Variants in BMP5 observed in about 807,000 individuals in gnomAD.
The protein encoded by BMP5 is bone morphogenetic protein 5.
BMP5 carries 23 observed loss-of-function variants against 46.6 expected under a neutral mutation model. The observed-to-expected ratio is 0.49, with a 90% CI of 0.35 to 0.70. The LOEUF is 0.70. Ranked by LOEUF, BMP5 falls within the 30% of genes least tolerant of loss-of-function variation. The pLI is 0.00. For missense variants in BMP5, 545 were observed against 565.6 expected, an observed-to-expected ratio of 0.96 and a Z score of 0.37; for synonymous variants, 204 against 191.9, an observed-to-expected ratio of 1.06 and a Z score of -0.52.
chr6:55,800,600 C>G (rs187552927), intron 2 of BMP5, among the ~76,000 whole-genome samples: 1 of 152,210 alleles, frequency 6.6e-6, no homozygotes, highest in African/African-American at 2.4e-5. Context: ...TTAACTTCCT[C>G]TATTTTTCTA....
intron 2 of BMP5, among the ~76,000 whole-genome samples, chr6:55,807,505 G>A (rs1776019403): frequency 6.6e-6 from 1 of 152,208 alleles, no homozygotes; most frequent in Non-Finnish European, 1.5e-5. Context: ...GTTCATTAGG[G>A]ATATTGGCCT....
Position 55,875,173 on chromosome 6 carries a change from G to A in BMP5, c.-308C>T, listed in dbSNP as rs552660831. 1 of 303,578 alleles carries A rather than the reference G, an allele frequency of 3.3e-6. No individual in the cohort carries two copies. The highest frequency in any genetic ancestry group is 3.5e-5 in the South Asian group (1 of 28,594). The allele number at this position is 303,578 out of a possible 1,614,324, so 18.8% of individuals were successfully genotyped here. A position where few individuals can be genotyped will look rare whatever the true frequency, so the allele number is the denominator to read the frequency against. On this transcript the variant is annotated 5_prime_UTR_variant, in exon 1 of 7. Coordinates refer to ENST00000370830, the MANE Select transcript of BMP5 (RefSeq NM_021073.4). ...GACGGCTAATATTATTTGATCAGAT[G>A]ACCTATGCATTCCTATATGAATTTA...
intron 1 of BMP5, chr6:55,865,476 A>G (rs1582131720): frequency 2.1e-6 from 1 of 479,102 alleles, no homozygotes; most frequent in East Asian, 6.0e-5. Flanking sequence ...CTCAGAGGAA[A>G]GCACCACAGT....
At chr6:55,802,285 C>A (rs1775868652) in intron 2 of BMP5, among the ~76,000 whole-genome samples, 2 of 152,266 alleles carry the variant, frequency 1.3e-5, no homozygotes, top group South Asian at 4.2e-4. Context: ...CACTTCGACT[C>A]CTCATGCCAG....
chr6:55,757,661 A>ATTTACTC (rs1271247366), intron 6 of BMP5, among the ~76,000 whole-genome samples: 1 of 151,878 alleles, frequency 6.6e-6, no homozygotes, highest in Non-Finnish European at 1.5e-5. Context: ...CCCCCCAGAA[A>ATTTACTC]TTTACTCTTT....
At chr6:55,821,776 C>G (rs1208289559) in intron 1 of BMP5, among the ~76,000 whole-genome samples, 1 of 152,132 alleles carries the variant, frequency 6.6e-6, no homozygotes, top group Non-Finnish European at 1.5e-5. Context: ...CCCTTTTGTC[C>G]ATTTGACTGG....
At chr6:55,849,373 C>T (rs1777170062) in intron 1 of BMP5, among the ~76,000 whole-genome samples, 1 of 151,910 alleles carries the variant, frequency 6.6e-6, no homozygotes, top group Non-Finnish European at 1.5e-5. Context: ...ACACATATAC[C>T]AGGGTAAGTG....
At chr6:55,851,131 GT>G (rs1372183587) in intron 1 of BMP5, among the ~76,000 whole-genome samples, 1 of 103,110 alleles carries the variant, frequency 9.7e-6, no homozygotes, top group African/African-American at 5.0e-5. Flanking sequence ...GTTTTGTTTT[GT>G]TTTGCTTTTT....
intron 1 of BMP5, among the ~76,000 whole-genome samples, chr6:55,836,076 CA>C (rs1776787271): frequency 6.6e-6 from 1 of 151,922 alleles, no homozygotes. Flanking sequence ...TTTTCCCAAT[CA>C]AAAAATTAAC....
At chr6:55,764,657 C>A (rs228143) in intron 4 of BMP5, among the ~76,000 whole-genome samples, 1 of 147,680 alleles carries the variant, frequency 6.8e-6, no homozygotes, top group Non-Finnish European at 1.5e-5. Context: ...TGGAAGATGT[C>A]AAGTGAGATA....
chr6:55,786,237 GT>G (rs915400161), intron 3 of BMP5, among the ~76,000 whole-genome samples: 53 of 151,714 alleles, frequency 3.5e-4, no homozygotes, highest in African/African-American at 1.1e-3. Flanking sequence ...TACATATAGT[GT>G]TTTTTTATAC....
intron 2 of BMP5, among the ~76,000 whole-genome samples, chr6:55,811,912 T>TA (rs1279312075): frequency 6.6e-6 from 1 of 152,190 alleles, no homozygotes; most frequent in Non-Finnish European, 1.5e-5. Context: ...CACATTGTAT[T>TA]ATAGTTATTA....
chr6:55,802,539 C>T (rs377569205), intron 2 of BMP5, among the ~76,000 whole-genome samples: 1 of 151,888 alleles, frequency 6.6e-6, no homozygotes, highest in Non-Finnish European at 1.5e-5. Flanking sequence ...TTTGATTTAC[C>T]TTACTAGATA....
chr6:55,868,743 T>G (rs1415175514), intron 1 of BMP5, among the ~76,000 whole-genome samples: 4 of 152,184 alleles, frequency 2.6e-5, no homozygotes, highest in African/African-American at 9.6e-5. Context: ...AGGTGAATAC[T>G]CCACCATTAT....
chr6:55,864,394 C>T (rs115216031), intron 1 of BMP5, among the ~76,000 whole-genome samples: 1 of 152,026 alleles, frequency 6.6e-6, no homozygotes, highest in Non-Finnish European at 1.5e-5. Context: ...AGTTATTGGT[C>T]GCCTGGGAAT....
intron 1 of BMP5, among the ~76,000 whole-genome samples, chr6:55,832,560 A>G (rs1332992328): frequency 6.6e-6 from 1 of 152,208 alleles, no homozygotes; most frequent in Non-Finnish European, 1.5e-5. Context: ...TTGGTTTTAC[A>G]TGTACTTATA....
In BMP5 at chr6:55,853,962, T is replaced by C. The variant is rs9382562; in HGVS notation, c.490+20414A>G. 1.1e-4 allele frequency among the ~76,000 whole-genome samples: 17 copies of C among 152,298 alleles called. No individual in the cohort carries two copies. In the East Asian group the frequency reaches 2.7e-3, roughly 24 times the overall value. On this transcript the variant is annotated intron_variant, in intron 1 of 6. Coordinates refer to ENST00000370830, the MANE Select transcript of BMP5 (RefSeq NM_021073.4). ...TCAAAACCATTATATACTTCAGAAT[T>C]TTTTACCAAATATAATATTGTTTTA...
chr6:55,818,280 T>C (rs1047546522), intron 2 of BMP5, among the ~76,000 whole-genome samples: 8 of 152,020 alleles, frequency 5.3e-5, no homozygotes, highest in African/African-American at 1.9e-4. Context: ...GGTACCTAAT[T>C]TGCAAAGCCA....
chr6:55,816,612 A>G (rs1192491009), intron 2 of BMP5, among the ~76,000 whole-genome samples: 2 of 152,198 alleles, frequency 1.3e-5, no homozygotes, highest in Non-Finnish European at 2.9e-5. Flanking sequence ...GTTAAAGTTG[A>G]GAAACAAATA....
Sources: gnomAD v4.1 joint callset for allele counts (sites outside exome capture counted in the v4.1 genomes callset) on GRCh38, gnomAD v4.1.1 for gene constraint, MANE v1.5 for transcripts, NCBI Gene and HGNC (gene_info 2026-07-23, HGNC 2026-07-21) for gene names.